Variants in KCND2 observed in about 807,000 individuals in gnomAD.
KCND2 encodes potassium voltage-gated channel subfamily D member 2, also known as A-type voltage-gated potassium channel KCND2.
Under a neutral mutation model 54.4 loss-of-function variants are expected in KCND2, and 16 were observed. The ratio of observed to expected loss-of-function variants is 0.29; its 90% CI spans 0.20 to 0.45. KCND2 has a LOEUF of 0.45. Among genes scored for constraint, KCND2 ranks in the 20% least tolerant of loss-of-function variants. The pLI is 1.00. For synonymous variants in KCND2, 317 were observed against 310.7 expected (o/e 1.02, Z -0.21); for missense variants, 486 against 824.2 (o/e 0.59, Z 5.02).
At position 120,434,980 on chromosome 7, in the gene KCND2, A is replaced by G. The variant is rs1226676452; in HGVS notation, c.1115+159233A>G. 2.0e-5 allele frequency among the ~76,000 whole-genome samples: 3 copies of G among 152,154 alleles called. No individual in the cohort carries two copies. The East Asian group carries it at 5.8e-4, about 29-fold the overall frequency. On this transcript the variant is annotated intron_variant, in intron 1 of 5. Transcript: ENST00000331113. ...AAGACTTGAAGAAAAAAAAAAGAAT[A>G]ATGGTATATTTTCATGGTAGAAAAC...
chr7:120,285,159 TC>T (rs1178639608), intron 1 of KCND2, among the ~76,000 whole-genome samples: 1 of 152,108 alleles, frequency 6.6e-6, no homozygotes, highest in Non-Finnish European at 1.5e-5. Context: ...TTTTATTTTT[TC>T]AACCTGAAAA....
chr7:120,332,493 A>G (rs1341644623), intron 1 of KCND2, among the ~76,000 whole-genome samples: 4 of 152,146 alleles, frequency 2.6e-5, no homozygotes, highest in African/African-American at 4.8e-5. Flanking sequence ...TATTAAATGT[A>G]AGAAACCCAA....
At chr7:120,709,058 T>C (rs1792505961) in intron 1 of KCND2, among the ~76,000 whole-genome samples, 1 of 152,132 alleles carries the variant, frequency 6.6e-6, no homozygotes, top group Non-Finnish European at 1.5e-5. Flanking sequence ...ACCACCATGT[T>C]ACCCTGTCCG....
intron 1 of KCND2, among the ~76,000 whole-genome samples, chr7:120,618,647 T>C (rs1450748058): frequency 1.3e-5 from 2 of 152,206 alleles, no homozygotes; most frequent in Non-Finnish European, 2.9e-5. Flanking sequence ...GTGTGTATTT[T>C]CTCTATCATA....
At chr7:120,691,962 T>C (rs1792274978) in intron 1 of KCND2, among the ~76,000 whole-genome samples, 1 of 152,182 alleles carries the variant, frequency 6.6e-6, no homozygotes, top group African/African-American at 2.4e-5. Context: ...TGTCAAATTC[T>C]GGGTCAAGGG....
At position 120,527,529 on chromosome 7, in the gene KCND2, A is replaced by G. The variant is rs115669793; in HGVS notation, c.1116-205374A>G. On this transcript the variant is annotated intron_variant, in intron 1 of 5. Transcript: ENST00000331113. ...AACACATCATTGGTAGGTAATGCAGACAGAAAGAACTCAGTAAAGATTTTG... is the reference window on the plus strand; with the variant it reads ...AACACATCATTGGTAGGTAATGCAGGCAGAAAGAACTCAGTAAAGATTTTG... Among the ~76,000 whole-genome samples, 1,254 of 152,252 alleles carry G rather than the reference A, an allele frequency of 8.2e-3. 19 individuals are homozygous for G. The highest frequency in any genetic ancestry group is 0.028 in the African/African-American group (1,170 of 41,552).
rs139663876 is a variant in KCND2 at position 120,656,718 on chromosome 7, A to G, written c.1116-76185A>G. Reference sequence around the variant, plus strand: ...TTGTGTCATATGCAGACTAATTAATATGACTTATCCTGTGGCTAAGCAGGA... The same window carrying G: ...TTGTGTCATATGCAGACTAATTAATGTGACTTATCCTGTGGCTAAGCAGGA... On this transcript the variant is annotated intron_variant, in intron 1 of 5. Coordinates refer to ENST00000331113, the MANE Select transcript of KCND2 (RefSeq NM_012281.3). Among the ~76,000 whole-genome samples the G allele has an allele frequency of 2.6e-5, 4 of 152,350 alleles. No individual in the cohort carries two copies. In the East Asian group the frequency reaches 7.7e-4, roughly 29 times the overall value.
intron 1 of KCND2, among the ~76,000 whole-genome samples, chr7:120,371,440 T>G (rs1313384695): frequency 2.6e-5 from 4 of 152,050 alleles, no homozygotes; most frequent in Non-Finnish European, 5.9e-5. Context: ...TTAGACTATC[T>G]AAACCAGTGC....
chr7:120,565,219 C>G (rs979358393), intron 1 of KCND2, among the ~76,000 whole-genome samples: 1 of 152,186 alleles, frequency 6.6e-6, no homozygotes, highest in African/African-American at 2.4e-5. Flanking sequence ...CCATGCTTTT[C>G]TGTGACCTTA....
At chr7:120,586,928 G>A (rs937862856) in intron 1 of KCND2, among the ~76,000 whole-genome samples, 6 of 151,870 alleles carry the variant, frequency 4.0e-5, no homozygotes, top group East Asian at 1.9e-4. Flanking sequence ...CCAAAGTAAC[G>A]AATACAGAAG....
At chr7:120,570,896 T>C (rs1420186225) in intron 1 of KCND2, among the ~76,000 whole-genome samples, 2 of 152,160 alleles carry the variant, frequency 1.3e-5, no homozygotes. Flanking sequence ...ACAGTTGGTG[T>C]TTCTTAAATA....
intron 1 of KCND2, among the ~76,000 whole-genome samples, chr7:120,611,681 G>A (rs145687450): frequency 1.3e-3 from 192 of 152,246 alleles, no homozygotes; most frequent in Non-Finnish European, 2.2e-3. Context: ...TTCATTTTCT[G>A]CTCTCCACGA....
chr7:120,722,385 C>A (rs917833057), intron 1 of KCND2, among the ~76,000 whole-genome samples: 1 of 152,120 alleles, frequency 6.6e-6, no homozygotes, highest in African/African-American at 2.4e-5. Context: ...CATGGCCAGA[C>A]CCGCCAGGAG....
At chr7:120,282,727 C>T (rs1367285480) in intron 1 of KCND2, among the ~76,000 whole-genome samples, 1 of 152,106 alleles carries the variant, frequency 6.6e-6, no homozygotes, top group Non-Finnish European at 1.5e-5. Flanking sequence ...CCGTCTTCTT[C>T]ATTTTCTTCA....
chr7:120,643,807 A>C (rs565270370), intron 1 of KCND2, among the ~76,000 whole-genome samples: 1 of 151,830 alleles, frequency 6.6e-6, no homozygotes, highest in African/African-American at 2.4e-5. Flanking sequence ...AGAAAAAAAA[A>C]ATTGCTACTT....
rs570635074 is a variant in KCND2 at position 120,713,086 on chromosome 7, C to T, written c.1116-19817C>T. Among the ~76,000 whole-genome samples, 38 of 152,236 alleles carry T rather than the reference C, an allele frequency of 2.5e-4. No homozygotes were observed. In the South Asian group the frequency reaches 7.7e-3, roughly 31 times the overall value. ...GTAATAAAGGTGTAATATTAATAGC[C>T]ACCTCATTGTGAGGTTACGAACTTA... On this transcript the variant is annotated intron_variant, in intron 1 of 5. Transcript: ENST00000331113.
chr7:120,563,500 A>G (rs1285526408), intron 1 of KCND2, among the ~76,000 whole-genome samples: 3 of 152,166 alleles, frequency 2.0e-5, no homozygotes, highest in Non-Finnish European at 2.9e-5. Flanking sequence ...ACTGCTTTCA[A>G]TTCTGCTCCG....
At chr7:120,633,256 C>A (rs1562893765) in intron 1 of KCND2, among the ~76,000 whole-genome samples, 1 of 152,152 alleles carries the variant, frequency 6.6e-6, no homozygotes, top group Non-Finnish European at 1.5e-5. Context: ...AACAATGCCA[C>A]TTGTTGTAAA....
At chr7:120,587,309 G>A (rs542011621) in intron 1 of KCND2, among the ~76,000 whole-genome samples, 30 of 152,296 alleles carry the variant, frequency 2.0e-4, no homozygotes, top group African/African-American at 6.7e-4. Flanking sequence ...GGAGTTTCCA[G>A]AAGGGAAAAG....
Sources: gnomAD v4.1 joint callset for allele counts (sites outside exome capture counted in the v4.1 genomes callset) on GRCh38, gnomAD v4.1.1 for gene constraint, MANE v1.5 for transcripts, NCBI Gene and HGNC (gene_info 2026-07-23, HGNC 2026-07-21) for gene names.